Variants in ANKRD36C observed in about 807,000 individuals in gnomAD.
The protein encoded by ANKRD36C is ankyrin repeat domain-containing protein 36C.
In ANKRD36C, 61 loss-of-function variants were observed where a neutral mutation model predicts 276.4. The observed-to-expected ratio is 0.22, with a 90% CI of 0.18 to 0.27. The LOEUF is 0.27. Among genes scored for constraint, ANKRD36C ranks in the 10% least tolerant of loss-of-function variants. The pLI, the probability that ANKRD36C is intolerant of heterozygous loss-of-function variation, is 1.00. For missense variants in ANKRD36C, 1,447 were observed against 2,032.3 expected (o/e 0.71, Z 5.54); for synonymous variants, 483 against 680.1 (o/e 0.71, Z 4.51).
Position 95,987,781 on chromosome 2 carries a change from C to T in ANKRD36C, c.198-575G>A, listed in dbSNP as rs568646249. Among the ~76,000 whole-genome samples, 14 of 151,986 alleles carry T rather than the reference C, an allele frequency of 9.2e-5. 2 individuals carry two copies. In the East Asian group the frequency reaches 1.5e-3, roughly 17 times the overall value. Reference sequence around the variant, plus strand: ...GGACTACAGGCGCCCGCTACCGCGCCCGGCTAATTTTTACAAAGACATTTT... The same window carrying T: ...GGACTACAGGCGCCCGCTACCGCGCTCGGCTAATTTTTACAAAGACATTTT... On this transcript the variant is annotated intron_variant, in intron 1 of 66. Transcript: ENST00000456556.
At chr2:95,986,965 T>A (rs1354706575) in intron 2 of ANKRD36C, 41 bp from the exon 3 acceptor site, 7 of 1,613,134 alleles carry the variant, frequency 4.3e-6, no homozygotes, top group Non-Finnish European at 5.9e-6. Flanking sequence ...TATTGAAAAA[T>A]CAAAATAAAC....
intron 14 of ANKRD36C, among the ~76,000 whole-genome samples, chr2:95,953,220 A>G (rs1471437450): frequency 6.6e-6 from 1 of 152,032 alleles, no homozygotes; most frequent in Admixed American, 6.6e-5. Flanking sequence ...ACAGAATTTG[A>G]ATTTCTAATA....
chr2:95,982,118 TG>T (rs1678935435), intron 4 of ANKRD36C, 137 bp downstream of exon 4: 1 of 664,776 alleles, frequency 1.5e-6, no homozygotes, highest in African/African-American at 1.8e-5. Context: ...GGATGATCTG[TG>T]TTGATATTTC....
chr2:95,916,133 G>A lies in ANKRD36C; in HGVS notation c.2376+10C>T, dbSNP rs1677088656. 6.2e-7 allele frequency: 1 copy of A among 1,605,478 alleles called. No individual in the cohort carries two copies. The highest frequency in any genetic ancestry group is 2.3e-4 in the Middle Eastern group (1 of 4,412). On this transcript the variant is annotated intron_variant, in intron 37 of 66. Coordinates refer to ENST00000456556, the Ensembl canonical transcript of ANKRD36C. ...TTACTAGCTCACAATATAAATGAGA[G>A]TTTCATTACCTTCAAGGCTGGTTTT...
chr2:95,928,264 A>G (rs1311489575), intron 26 of ANKRD36C, among the ~76,000 whole-genome samples: 2 of 151,648 alleles, frequency 1.3e-5, no homozygotes, highest in Non-Finnish European at 3.0e-5. Context: ...GTATCATGTT[A>G]GTCTCTAAGG....
rs201208560 is a variant in ANKRD36C at position 95,982,195 on chromosome 2, G to A, written c.593+61C>T. The A allele has an allele frequency of 6.1e-4, 793 of 1,296,746 alleles. 17 individuals are homozygous for A. The South Asian group carries it at 0.011, about 18-fold the overall frequency. 80.3% of individuals were successfully genotyped at this position (1,296,746 alleles called of 1,614,324 possible). A position where few individuals can be genotyped will look rare whatever the true frequency, so the allele number is the denominator to read the frequency against. ...TGTAAAATTTGTGACTTCAGTGACC[G>A]CTACCACTCTAAAATGACACTCAGG... On this transcript the variant is annotated intron_variant, in intron 4 of 66. Transcript: ENST00000456556.
At chr2:95,943,252 G>A (rs1471393666) in intron 19 of ANKRD36C, among the ~76,000 whole-genome samples, 2 of 152,310 alleles carry the variant, frequency 1.3e-5, no homozygotes, top group Non-Finnish European at 2.9e-5. Context: ...GGGAGGCCGA[G>A]GCGGGCAGAT....
chr2:95,897,210 G>T (rs572529830), intron 44 of ANKRD36C, 60 bp downstream of exon 60: 6 of 1,269,160 alleles, frequency 4.7e-6, no homozygotes, highest in Non-Finnish European at 6.5e-6. Context: ...ATTTATTCAC[G>T]GAAGAGAATT....
At chr2:95,915,724 C>A (rs940210403) in intron 38 of ANKRD36C, among the ~76,000 whole-genome samples, 44 of 151,596 alleles carry the variant, frequency 2.9e-4, no homozygotes, top group African/African-American at 6.5e-4. Flanking sequence ...TGCTGTGCCC[C>A]AGAGCCCCTT....
intron 5 of ANKRD36C, among the ~76,000 whole-genome samples, chr2:95,979,987 A>C (rs562093524): frequency 2.0e-5 from 3 of 152,188 alleles, no homozygotes; most frequent in Admixed American, 2.0e-4. Context: ...ACTAAAAAAA[A>C]CAGTTGTAAC....
intron 6 of ANKRD36C, among the ~76,000 whole-genome samples, chr2:95,966,826 C>G (rs1448746266): frequency 1.3e-5 from 2 of 152,050 alleles, no homozygotes; most frequent in African/African-American, 2.4e-5. Context: ...TGTTTGTGTC[C>G]TCTTATTTCC....
intron 42 of ANKRD36C, among the ~76,000 whole-genome samples, chr2:95,902,371 C>T (rs1475990985): frequency 6.7e-6 from 1 of 149,658 alleles, no homozygotes; most frequent in East Asian, 2.0e-4. Context: ...GTTTTCTCAG[C>T]AGAAACCCCA....
chr2:95,949,858 A>G (rs920723927), intron 16 of ANKRD36C, among the ~76,000 whole-genome samples: 3 of 152,308 alleles, frequency 2.0e-5, no homozygotes, highest in African/African-American at 7.2e-5. Flanking sequence ...GATTTTGTCT[A>G]TAGGAAAATG....
chr2:95,891,466 A>C (rs1382742052), intron 46 of ANKRD36C, among the ~76,000 whole-genome samples, 199 bp downstream of exon 66: 2 of 151,236 alleles, frequency 1.3e-5, no homozygotes, highest in African/African-American at 4.8e-5. Flanking sequence ...CAATGGGGGG[A>C]AGTGTATACT....
intron 38 of ANKRD36C, among the ~76,000 whole-genome samples, chr2:95,915,737 GTCTTCAAC>G (rs1403676825): frequency 6.6e-6 from 1 of 151,494 alleles, no homozygotes; most frequent in Non-Finnish European, 1.5e-5. Flanking sequence ...AGCCCCTTAT[GTCTTCAAC>G]TGCTCTCCAT....
At chr2:95,893,398 T>C in intron 44 of ANKRD36C, 135 bp downstream of exon 64, 2 of 1,272,924 alleles carry the variant, frequency 1.6e-6, no homozygotes, top group Non-Finnish European at 1.1e-6. Context: ...CCCAAGAACT[T>C]ACTACAAATG....
At chr2:95,884,478 G>T in intron 52 of ANKRD36C, 110 bp from the exon 73 acceptor site, 2 of 1,556,930 alleles carry the variant, frequency 1.3e-6, no homozygotes. Context: ...TATTAGGGTA[G>T]GATTTGATGT....
chr2:95,936,348 AATAAT>A (rs1387099281), intron 22 of ANKRD36C, among the ~76,000 whole-genome samples: 658 of 20,584 alleles, frequency 0.032, no homozygotes, highest in African/African-American at 0.075. Context: ...AAAGTATAAT[AATAAT>A]AAAATAAATA....
intron 17 of ANKRD36C, among the ~76,000 whole-genome samples, chr2:95,946,156 GAAAAAAAAAA>G: frequency 1.4e-5 from 1 of 73,304 alleles, no homozygotes; most frequent in East Asian, 4.4e-4. Flanking sequence ...ACAGAGAGAG[GAAAAAAAAAA>G]AAAAAAAAAA....
Sources: gnomAD v4.1 joint callset for allele counts (sites outside exome capture counted in the v4.1 genomes callset) on GRCh38, gnomAD v4.1.1 for gene constraint, MANE v1.5 for transcripts, NCBI Gene and HGNC (gene_info 2026-07-23, HGNC 2026-07-21) for gene names.